SERINC5: variants seen among roughly 807,000 people sequenced by gnomAD.
SERINC5 encodes chromosome 5 open reading frame 12.
In SERINC5, 41 loss-of-function variants were observed where a neutral mutation model predicts 63.1. The observed-to-expected ratio is 0.65, with a 90% CI of 0.51 to 0.84. The LOEUF (loss-of-function observed/expected upper bound fraction) is 0.84, where lower values mean the gene tolerates loss of function less well. Among genes scored for constraint, SERINC5 ranks in the 40% least tolerant of loss-of-function variants. The probability of loss-of-function intolerance (pLI) is 0.00; values close to 1 mark genes in which losing one functional copy is unlikely to be tolerated. For missense variants in SERINC5, 523 were observed against 573.0 expected (o/e 0.91, Z 0.89); for synonymous variants, 222 against 215.2 (o/e 1.03, Z -0.28).
intron 2 of SERINC5, among the ~76,000 whole-genome samples, chr5:80,182,033 C>CA (rs1265535404): frequency 6.6e-6 from 1 of 152,148 alleles, no homozygotes; most frequent in African/African-American, 2.4e-5. Flanking sequence ...TATATATTGA[C>CA]AGAGTATACG....
At chr5:80,168,113 T>C (rs545860597) in intron 6 of SERINC5, among the ~76,000 whole-genome samples, 24 of 152,314 alleles carry the variant, frequency 1.6e-4, no homozygotes, top group Non-Finnish European at 2.4e-4. Flanking sequence ...AACTGATCAA[T>C]TAAAGGGATT....
In SERINC5 at chr5:80,141,892, T is replaced by C. The variant is rs1745530983; in HGVS notation, c.*1771A>G. 2 of 985,428 alleles carry C rather than the reference T, an allele frequency of 2.0e-6. No homozygotes were observed. Among genetic ancestry groups the C allele is most frequent in the Non-Finnish European group, 2.4e-6 (2 of 829,932 alleles). 61.0% of individuals were successfully genotyped at this position (985,428 alleles called of 1,614,324 possible). On this transcript the variant is annotated 3_prime_UTR_variant, in exon 12 of 12. Transcript: ENST00000507668. ...GAAACTGAATCTCAAACACTCTAAG[T>C]AGGGAAAGTTCTAAAGGAATTCATC... is the stretch of plus-strand genomic sequence containing the variant.
intron 2 of SERINC5, among the ~76,000 whole-genome samples, chr5:80,181,803 C>T (rs972916734): frequency 1.4e-4 from 22 of 152,136 alleles, no homozygotes; most frequent in African/African-American, 5.1e-4. Flanking sequence ...AGGGTAGGTA[C>T]GGTTCTAACT....
chr5:80,209,360 C>A (rs963879758), intron 1 of SERINC5, among the ~76,000 whole-genome samples: 8 of 152,128 alleles, frequency 5.3e-5, no homozygotes, highest in African/African-American at 1.9e-4. Context: ...GACACACACA[C>A]AGGGACAGCA....
At chr5:80,161,025 TATACACAC>T (rs1379724125) in intron 7 of SERINC5, among the ~76,000 whole-genome samples, 47 of 122,284 alleles carry the variant, frequency 3.8e-4, no homozygotes, top group African/African-American at 2.4e-3. Context: ...CGTGTATATA[TATACACAC>T]GTGTATATAT....
Position 80,145,964 on chromosome 5 carries a change from C to T in SERINC5, c.1238+126G>A, listed in dbSNP as rs572582245. ...AGCAGAGGTTGCAGTGAGCCAGGAT[C>T]GTGCCACTGCACTCCAGCCTGGGCA... is the stretch of plus-strand genomic sequence containing the variant. On this transcript the variant is annotated intron_variant, in intron 11 of 11. Coordinates refer to ENST00000507668, the MANE Select transcript of SERINC5 (RefSeq NM_001174072.3). The T allele has an allele frequency of 2.7e-5, 25 of 942,438 alleles. 1 individual carries two copies. The South Asian group carries it at 3.2e-4, about 12-fold the overall frequency. The allele number at this position is 942,438 out of a possible 1,614,324, so 58.4% of individuals were successfully genotyped here.
At position 80,141,983 on chromosome 5, in the gene SERINC5, C is replaced by T. The variant is rs1285133888; in HGVS notation, c.*1680G>A. ...GCAAAGGAATGAATAGAAAGAATTTCACTAATTTCACCCACCAGCATTTTG... is the reference window on the plus strand; with the variant it reads ...GCAAAGGAATGAATAGAAAGAATTTTACTAATTTCACCCACCAGCATTTTG... On this transcript the variant is annotated 3_prime_UTR_variant, in exon 12 of 12. Coordinates refer to ENST00000507668, the MANE Select transcript of SERINC5 (RefSeq NM_001174072.3). 1.0e-6 allele frequency: 1 copy of T among 985,200 alleles called. No individual in the cohort carries two copies. 61.0% of individuals were successfully genotyped at this position (985,200 alleles called of 1,614,324 possible). A position where few individuals can be genotyped will look rare whatever the true frequency, so the allele number is the denominator to read the frequency against.
At chr5:80,121,783 C>T (rs559725982) in intron 11 of SERINC5, among the ~76,000 whole-genome samples, 91 of 152,092 alleles carry the variant, frequency 6.0e-4, no homozygotes, top group African/African-American at 2.0e-3. Context: ...TGTCACATGG[C>T]GACAGAGAGA....
chr5:80,229,938 C>G (rs568424183), intron 1 of SERINC5, among the ~76,000 whole-genome samples: 1 of 152,132 alleles, frequency 6.6e-6, no homozygotes, highest in Admixed American at 6.5e-5. Flanking sequence ...TCAGTGTGCT[C>G]GAAAAGGAAG....
At chr5:80,236,935 C>T (rs1169717522) in intron 1 of SERINC5, among the ~76,000 whole-genome samples, 1 of 152,076 alleles carries the variant, frequency 6.6e-6, no homozygotes, top group African/African-American at 2.4e-5. Flanking sequence ...CTGAAACCTC[C>T]ATTTCCCAGG....
intron 2 of SERINC5, among the ~76,000 whole-genome samples, chr5:80,189,872 C>T (rs1055368961): frequency 5.3e-5 from 8 of 152,116 alleles, no homozygotes; most frequent in South Asian, 2.1e-4. Context: ...CCAACACATC[C>T]GCTACTTTTT....
At chr5:80,172,707 GA>G (rs1747743843) in intron 5 of SERINC5, among the ~76,000 whole-genome samples, 1 of 151,952 alleles carries the variant, frequency 6.6e-6, no homozygotes, top group Admixed American at 6.6e-5. Flanking sequence ...TTTTAAGAAG[GA>G]AAAAAATATC....
In SERINC5 at chr5:80,143,352, C is replaced by T. The variant is rs1191623179; in HGVS notation, c.*311G>A. 3.7e-6 allele frequency: 4 copies of T among 1,079,928 alleles called. No individual in the cohort carries two copies. In the East Asian group the frequency reaches 2.5e-4, roughly 67 times the overall value. The allele number at this position is 1,079,928 out of a possible 1,614,324, so 66.9% of individuals were successfully genotyped here. On this transcript the variant is annotated 3_prime_UTR_variant, in exon 12 of 12. Transcript: ENST00000507668. ...ATATTTTTATCCCTGTGAAAAGATG[C>T]TGTGCCCCAAATTCTGTTTTGGCAA...
At chr5:80,202,774 G>A in intron 2 of SERINC5, 112 bp downstream of exon 2, 1 of 1,043,594 alleles carries the variant, frequency 9.6e-7, no homozygotes, top group South Asian at 1.7e-5. Flanking sequence ...AGGAAACCAG[G>A]TATACCCCAA....
At position 80,158,854 on chromosome 5, in the gene SERINC5, C is replaced by T. The variant is rs781717181; in HGVS notation, c.968G>A (p.Gly323Glu). The change falls in exon 8 of 12, where the codon GGA (glycine) becomes GAA (glutamate). Residue 323 changes from glycine to glutamate, a missense_variant. By Grantham distance (98) the Gly-to-Glu change is moderately conservative. Transcript: ENST00000507668. The part of the protein sequence containing the change: ...VTILGTSLLI[G>E]CILYSCLTST... ...GACTTACCATGAATACAAGATACAT[C>T]CGATTAAGAGGCTGGTCCCCAGTAT... 34 of 1,613,384 alleles carry T rather than the reference C, an allele frequency of 2.1e-5. No homozygotes were observed. The highest frequency in any genetic ancestry group is 2.7e-5 in the African/African-American group (2 of 74,922).
At chr5:80,194,747 G>A (rs1389333100) in intron 2 of SERINC5, among the ~76,000 whole-genome samples, 4 of 152,254 alleles carry the variant, frequency 2.6e-5, no homozygotes, top group African/African-American at 7.2e-5. Context: ...TCTAGAAAGC[G>A]GAGGAAGGAT....
chr5:80,188,282 CAAAAA>C (rs34863168), intron 2 of SERINC5, among the ~76,000 whole-genome samples: 4 of 82,788 alleles, frequency 4.8e-5, no homozygotes, highest in Admixed American at 1.4e-4. Flanking sequence ...GACTCCGTCT[CAAAAA>C]AAAAAAAAAA....
chr5:80,193,753 G>A (rs1292704827), intron 2 of SERINC5, among the ~76,000 whole-genome samples: 3 of 152,118 alleles, frequency 2.0e-5, no homozygotes, highest in East Asian at 1.9e-4. Flanking sequence ...ACTACTTCCC[G>A]ACATCCACTT....
intron 2 of SERINC5, among the ~76,000 whole-genome samples, chr5:80,181,815 G>T (rs1466225652): frequency 6.6e-6 from 1 of 152,228 alleles, no homozygotes; most frequent in African/African-American, 2.4e-5. Flanking sequence ...GTTCTAACTC[G>T]TGACAAGCAC....
Sources: allele counts gnomAD v4.1 joint callset (sites outside exome capture counted in the v4.1 genomes callset), GRCh38; gene constraint gnomAD v4.1.1; transcripts MANE v1.5; gene names NCBI Gene and HGNC (gene_info 2026-07-23, HGNC 2026-07-21).